The following ZNF407 variants were observed in gnomAD, a reference collection of about 807,000 sequenced individuals.
ZNF407 encodes zinc finger protein 407.
A neutral mutation model predicts 131.2 loss-of-function variants in ZNF407; 17 were observed. The ratio of observed to expected loss-of-function variants is 0.13; its 90% CI spans 0.09 to 0.19. The LOEUF is 0.19. Among genes scored for constraint, ZNF407 ranks in the 10% least tolerant of loss-of-function variants. ZNF407 has a pLI of 1.00. For synonymous variants in ZNF407, 1,156 were observed against 1,062.0 expected, an observed-to-expected ratio of 1.09 and a Z score of -1.72; for missense variants, 2,681 against 2,830.6, an observed-to-expected ratio of 0.95 and a Z score of 1.20.
chr18:74,811,287 C>G (rs1334325510), intron 4 of ZNF407, among the ~76,000 whole-genome samples: 2 of 152,188 alleles, frequency 1.3e-5, no homozygotes, highest in Non-Finnish European at 2.9e-5. Flanking sequence ...CTCACCATCA[C>G]TGGCCATCAG....
At chr18:74,807,938 T>G (rs957716770) in intron 4 of ZNF407, among the ~76,000 whole-genome samples, 2 of 152,208 alleles carry the variant, frequency 1.3e-5, no homozygotes, top group African/African-American at 4.8e-5. Context: ...AGGCTGGTCT[T>G]GATCTCCTGG....
chr18:74,743,625 A>G (rs1968600455), intron 3 of ZNF407, among the ~76,000 whole-genome samples: 1 of 152,050 alleles, frequency 6.6e-6, no homozygotes, highest in Non-Finnish European at 1.5e-5. Flanking sequence ...GAAGTTCCCT[A>G]ATTGGTATTC....
chr18:74,932,336 A>G (rs1483720182), intron 8 of ZNF407, among the ~76,000 whole-genome samples: 1 of 152,156 alleles, frequency 6.6e-6, no homozygotes, highest in Non-Finnish European at 1.5e-5. Flanking sequence ...TGTTGAAAGT[A>G]AGTTAGCAGC....
intron 3 of ZNF407, among the ~76,000 whole-genome samples, chr18:74,713,917 A>G (rs1967830618): frequency 6.6e-6 from 1 of 152,214 alleles, no homozygotes; most frequent in African/African-American, 2.4e-5. Context: ...AACAGTAGTG[A>G]TTAAAAGGCT....
intron 4 of ZNF407, 65 bp from the exon 5 acceptor site, chr18:74,877,132 T>C (rs1971169416): frequency 2.0e-6 from 3 of 1,492,002 alleles, no homozygotes; most frequent in Admixed American, 1.7e-5. Context: ...GCACACGCGC[T>C]GCCTGGGGCC....
At chr18:74,912,390 A>C (rs550208788) in intron 7 of ZNF407, among the ~76,000 whole-genome samples, 1 of 152,234 alleles carries the variant, frequency 6.6e-6, no homozygotes, top group African/African-American at 2.4e-5. Context: ...ATGCAGAATG[A>C]TGAGGTCTAC....
At chr18:74,840,763 C>T (rs1271657749) in intron 4 of ZNF407, among the ~76,000 whole-genome samples, 2 of 152,128 alleles carry the variant, frequency 1.3e-5, no homozygotes, top group Non-Finnish European at 2.9e-5. Flanking sequence ...GGACTTCTGC[C>T]TCTCATAGCT....
At chr18:74,714,935 G>A (rs1014564570) in intron 3 of ZNF407, among the ~76,000 whole-genome samples, 1 of 152,136 alleles carries the variant, frequency 6.6e-6, no homozygotes, top group African/African-American at 2.4e-5. Context: ...ACTGGTGGGA[G>A]TTCTAGACAG....
Position 75,064,445 on chromosome 18 carries a change from A to C in ZNF407, c.6724A>C (p.Ser2242Arg), listed in dbSNP as rs1275406169. The C allele has an allele frequency of 6.7e-7, 1 of 1,501,282 alleles. No individual in the cohort carries two copies. The highest frequency in any genetic ancestry group is 8.9e-7 in the Non-Finnish European group (1 of 1,123,016). 93.0% of individuals were successfully genotyped at this position (1,501,282 alleles called of 1,614,324 possible). A position where few individuals can be genotyped will look rare whatever the true frequency, so the allele number is the denominator to read the frequency against. ...GGCGGCAATTCAGAGCCAAAGAGAA[A>C]GCAGCGAACTCCAGGAAGCATGAGA... The part of the protein sequence containing the change: ...AAAAIQSQRE[S>R]SELQEA Residue 2242 changes from serine to arginine, a missense_variant, in exon 9 of 9, where the codon AGC (serine) becomes CGC (arginine). Physicochemically the swap from Ser to Arg is moderately radical, Grantham distance 110. Transcript: ENST00000299687.
chr18:74,951,871 A>G (rs1240265289), intron 8 of ZNF407, among the ~76,000 whole-genome samples: 2 of 150,666 alleles, frequency 1.3e-5, no homozygotes, highest in East Asian at 1.9e-4. Flanking sequence ...GAATAAAACC[A>G]TCATACAGAA....
intron 3 of ZNF407, among the ~76,000 whole-genome samples, chr18:74,724,523 A>G (rs1020255138): frequency 3.3e-5 from 5 of 151,924 alleles, no homozygotes; most frequent in Admixed American, 6.6e-5. Flanking sequence ...CTCTACTTCC[A>G]TGAGATCAAC....
chr18:74,753,523 A>T (rs748744307), intron 3 of ZNF407, among the ~76,000 whole-genome samples: 15 of 152,234 alleles, frequency 9.9e-5, no homozygotes, highest in Admixed American at 4.6e-4. Flanking sequence ...TATTTGGGAG[A>T]CGTCCCATCA....
intron 4 of ZNF407, among the ~76,000 whole-genome samples, chr18:74,793,192 A>C (rs1969857863): frequency 6.6e-6 from 1 of 152,236 alleles, no homozygotes; most frequent in Non-Finnish European, 1.5e-5. Flanking sequence ...ATTAAAAACA[A>C]AACAGTTTTG....
chr18:74,824,433 T>C (rs1383354821), intron 4 of ZNF407, among the ~76,000 whole-genome samples: 1 of 152,168 alleles, frequency 6.6e-6, no homozygotes, highest in African/African-American at 2.4e-5. Flanking sequence ...GAGCTGGTTT[T>C]TTGAAAAGAT....
rs10539805 is a variant in ZNF407, at chr18:74,852,164, T to TAC, written c.4878-25000_4878-24999dup. On this transcript the variant is annotated intron_variant, in intron 4 of 8. Coordinates refer to ENST00000299687, the MANE Select transcript of ZNF407 (RefSeq NM_017757.3). Reference sequence around the variant, plus strand: ...TTTATCTGTATGCATGGATGCATGCTACACACACACACACACACACACACA... The same window carrying TAC: ...TTTATCTGTATGCATGGATGCATGCTACACACACACACACACACACACACACA... Among the ~76,000 whole-genome samples the TAC allele has an allele frequency of 7.2e-3, 1,077 of 149,656 alleles. 11 individuals carry two copies. The highest frequency in any genetic ancestry group is 0.016 in the African/African-American group (633 of 40,754).
At chr18:74,724,145 G>C (rs1968102854) in intron 3 of ZNF407, among the ~76,000 whole-genome samples, 1 of 151,714 alleles carries the variant, frequency 6.6e-6, no homozygotes, top group Admixed American at 6.6e-5. Flanking sequence ...AATTCTTTTG[G>C]TATTAGACAA....
intron 4 of ZNF407, among the ~76,000 whole-genome samples, chr18:74,798,092 T>A (rs1003746473): frequency 4.6e-5 from 7 of 152,038 alleles, no homozygotes; most frequent in African/African-American, 1.4e-4. Context: ...TGTGTTCTTA[T>A]TTTTCATGTC....
At chr18:75,008,711 T>TC (rs922940803) in intron 8 of ZNF407, among the ~76,000 whole-genome samples, 8 of 152,224 alleles carry the variant, frequency 5.3e-5, no homozygotes, top group African/African-American at 1.9e-4. Flanking sequence ...GGTTTTAGAT[T>TC]CCTAACTTTG....
chr18:74,733,399 A>G (rs901777072), intron 3 of ZNF407, among the ~76,000 whole-genome samples: 1 of 152,144 alleles, frequency 6.6e-6, no homozygotes, highest in Non-Finnish European at 1.5e-5. Context: ...TTCTTCTTTC[A>G]AAAGTAACCC....
Sources: gnomAD v4.1 joint callset for allele counts (sites outside exome capture counted in the v4.1 genomes callset) on GRCh38, gnomAD v4.1.1 for gene constraint, MANE v1.5 for transcripts, NCBI Gene and HGNC (gene_info 2026-07-23, HGNC 2026-07-21) for gene names.